The following POLQ variants were observed in gnomAD, a reference collection of about 807,000 sequenced individuals.
POLQ encodes epididymis secretory sperm binding protein.
In POLQ, 233 loss-of-function variants were observed where a neutral mutation model predicts 259.2. The observed-to-expected ratio is 0.90, with a 90% CI of 0.81 to 1.00. The LOEUF (loss-of-function observed/expected upper bound fraction) is 1.00, where lower values mean the gene tolerates loss of function less well. POLQ is among the 50% of genes least tolerant of loss of function. POLQ has a pLI of 0.00. For missense variants in POLQ, 2,871 were observed against 3,051.6 expected (o/e 0.94, Z 1.39); for synonymous variants, 1,025 against 1,048.8 (o/e 0.98, Z 0.44).
intron 6 of POLQ, 81 bp from the exon 7 acceptor site, chr3:121,529,873 T>C: frequency 9.4e-7 from 1 of 1,061,964 alleles, no homozygotes; most frequent in Non-Finnish European, 1.3e-6. Context: ...CATTTTCCTT[T>C]CTGGGGAAGC....
chr3:121,432,877 C>T, intron 29 of POLQ, 41 bp downstream of exon 29: 1 of 1,144,910 alleles, frequency 8.7e-7, no homozygotes, highest in African/African-American at 1.5e-5. Context: ...AATACAGTGT[C>T]TTGTCTTCCT....
intron 25 of POLQ, among the ~76,000 whole-genome samples, chr3:121,456,828 A>G (rs1408156906): frequency 6.6e-6 from 1 of 152,248 alleles, no homozygotes; most frequent in Non-Finnish European, 1.5e-5. Context: ...TTGTAGATTC[A>G]ATGCCATCCC....
intron 26 of POLQ, among the ~76,000 whole-genome samples, chr3:121,441,542 T>C (rs2047592634): frequency 1.3e-5 from 2 of 152,228 alleles, no homozygotes; most frequent in South Asian, 4.1e-4. Context: ...TTAAGAATCA[T>C]CAATATTGTA....
At chr3:121,494,378 A>G (rs1162277946) in intron 14 of POLQ, 1 of 1,584,290 alleles carries the variant, frequency 6.3e-7, no homozygotes. Context: ...GGACCGCCAA[A>G]CAGCTACTCA....
chr3:121,472,016 G>A lies in POLQ; in HGVS notation c.6692C>T (p.Pro2231Leu), dbSNP rs1480849833. 2 of 1,570,864 alleles carry A rather than the reference G, an allele frequency of 1.3e-6. No individual in the cohort carries two copies. Among genetic ancestry groups the A allele is most frequent in the South Asian group, 2.3e-5 (2 of 85,194 alleles). ...NPFLGMERIYPVSQSHTATGR... is the reference protein window; with the variant it reads ...NPFLGMERIYLVSQSHTATGR... ...TGTAGCAGTGTGCGACTGTGATACA[G>A]GATAGATTCTTTCCATTCCAAGAAA... Residue 2231 changes from proline to leucine, a missense_variant, in exon 22 of 30, where the codon CCT becomes CTT. Pro to Leu is a moderately conservative substitution (Grantham distance 98, BLOSUM62 -3). Transcript: ENST00000264233.
chr3:121,450,236 A>T (rs2047663371), intron 25 of POLQ, among the ~76,000 whole-genome samples: 1 of 152,194 alleles, frequency 6.6e-6, no homozygotes, highest in South Asian at 2.1e-4. Flanking sequence ...CTGTATAAAT[A>T]TCATTAAATA....
chr3:121,449,295 C>T lies in POLQ; in HGVS notation c.7264+20G>A, dbSNP rs369416712. 29 of 1,149,834 alleles carry T rather than the reference C, an allele frequency of 2.5e-5. No individual in the cohort carries two copies. The highest frequency in any genetic ancestry group is 3.4e-5 in the Non-Finnish European group (26 of 764,432). The allele number at this position is 1,149,834 out of a possible 1,614,324, so 71.2% of individuals were successfully genotyped here. On this transcript the variant is annotated intron_variant, in intron 26 of 29. Transcript: ENST00000264233. ...TATGGTAAGATGGTTGAAAAGAATA[C>T]TATCTAGAAGATAAATTACCTGTGT...
At chr3:121,438,725 A>AT (rs1334547987) in intron 27 of POLQ, among the ~76,000 whole-genome samples, 1 of 152,158 alleles carries the variant, frequency 6.6e-6, no homozygotes, top group Non-Finnish European at 1.5e-5. Context: ...GTTTTCATAT[A>AT]TATTTTTTTG....
At chr3:121,540,258 C>G (rs1457460840) in intron 3 of POLQ, among the ~76,000 whole-genome samples, 1 of 151,944 alleles carries the variant, frequency 6.6e-6, no homozygotes, top group African/African-American at 2.4e-5. Flanking sequence ...TAAAATTTTC[C>G]TGAGTGTTTA....
chr3:121,454,202 T>A (rs988558446), intron 25 of POLQ, among the ~76,000 whole-genome samples: 4 of 152,112 alleles, frequency 2.6e-5, no homozygotes, highest in African/African-American at 9.7e-5. Flanking sequence ...TGTCACCACC[T>A]GGCCAGCCCT....
chr3:121,490,373 A>G lies in POLQ; in HGVS notation c.2558T>C (p.Val853Ala), dbSNP rs766873197. The change falls in exon 16 of 30, where the codon GTT (valine) becomes GCT (alanine). Residue 853 changes from valine (V) to alanine (A), a missense_variant. Coordinates refer to ENST00000264233, the MANE Select transcript of POLQ (RefSeq NM_199420.4). ...AGTTCGCATATTGCGACGTTCTTCA[A>G]CTGCTTCCTCTTCCTCATCCACTGC... ...RKAVDEEEEA[V>A]EERRNMRTIW... The G allele has an allele frequency of 1.2e-5, 20 of 1,614,118 alleles. No individual in the cohort carries two copies. Among genetic ancestry groups the G allele is most frequent in the East Asian group, 2.2e-5 (1 of 44,900 alleles).
intron 14 of POLQ, among the ~76,000 whole-genome samples, chr3:121,495,700 T>G (rs918241832): frequency 2.7e-5 from 4 of 150,344 alleles, no homozygotes; most frequent in African/African-American, 9.8e-5. Flanking sequence ...AAAAAAAAAA[T>G]TAGCCGGGCG....
At chr3:121,484,987 C>T in intron 17 of POLQ, 54 bp downstream of exon 17, 1 of 1,284,532 alleles carries the variant, frequency 7.8e-7, no homozygotes, top group Non-Finnish European at 1.1e-6. Context: ...GATCACTACC[C>T]TAATGGATGT....
At position 121,490,249 on chromosome 3, in the gene POLQ, C is replaced by T. The variant is rs1273708295; in HGVS notation, c.2682G>A (p.Met894Ile). ...RMILQQDLVE[M>I]GVQWNPCALL... Reference sequence around the variant, plus strand: ...GGGCACATGGATTCCATTGCACTCCCATTTCAACTAAGTCCTGCTGCAGAA... The same window carrying T: ...GGGCACATGGATTCCATTGCACTCCTATTTCAACTAAGTCCTGCTGCAGAA... Residue 894 changes from methionine (M) to isoleucine (I), a missense_variant, in exon 16 of 30, where the codon ATG (methionine) becomes ATA (isoleucine). Met to Ile is a conservative substitution (Grantham distance 10). Around this residue, in one of 3 missense-constraint regions of POLQ, gnomAD observed 2,080 missense variants for 2,126.0 expected, o/e 0.98. Coordinates refer to ENST00000264233, the MANE Select transcript of POLQ (RefSeq NM_199420.4). 2 of 1,614,202 alleles carry T rather than the reference C, an allele frequency of 1.2e-6. No individual in the cohort carries two copies. The highest frequency in any genetic ancestry group is 8.5e-7 in the Non-Finnish European group (1 of 1,180,022).
chr3:121,482,703 A>G (rs561517544), intron 18 of POLQ, among the ~76,000 whole-genome samples: 3 of 152,194 alleles, frequency 2.0e-5, no homozygotes, highest in East Asian at 3.9e-4. Context: ...TTCTAATACT[A>G]GATCAGGCAG....
chr3:121,483,451 G>A lies in POLQ; in HGVS notation c.5905C>T (p.Gln1969Ter). ...ECSVVIYDFI[Q>*]SYKILLLSCG... ...GAAAGAAGAAGAATTTTATAGCTCT[G>A]GATGAAGTCATAGATGACAACAGAA... The change falls in exon 18 of 30, where the codon CAG (glutamine) becomes TAG (stop). Residue 1969 changes from glutamine (Q) to a stop codon, truncating the protein, a stop_gained. Transcript: ENST00000264233. LOFTEE classifies it high-confidence loss of function. The A allele has an allele frequency of 6.2e-7, 1 of 1,603,390 alleles. No individual in the cohort carries two copies. Among genetic ancestry groups the A allele is most frequent in the Non-Finnish European group, 8.5e-7 (1 of 1,176,536 alleles).
intron 19 of POLQ, among the ~76,000 whole-genome samples, chr3:121,480,888 C>A (rs1269652965): frequency 1.3e-5 from 2 of 152,126 alleles, no homozygotes; most frequent in Non-Finnish European, 2.9e-5. Context: ...CATCTATTTT[C>A]TAGTACCTAT....
In POLQ at chr3:121,541,428, C is replaced by A. The variant is rs751386063; in HGVS notation, c.395G>T (p.Arg132Leu). Reference protein sequence around the residue: ...TLVAELLILKRVLEMRKKALF... With the variant: ...TLVAELLILKLVLEMRKKALF... ...AGCTTTCTTCCGCATTTCCAAAACC[C>A]GCTTCAAAATAAGTAATTCTGCCAC... The change falls in exon 3 of 30, where the codon CGG becomes CTG. Residue 132 changes from arginine (R) to leucine (L), a missense_variant. Arg to Leu is a moderately radical substitution (Grantham distance 102). Around this residue, in one of 3 missense-constraint regions of POLQ, gnomAD observed 783 missense variants for 906.2 expected, o/e 0.86. Coordinates refer to ENST00000264233, the MANE Select transcript of POLQ (RefSeq NM_199420.4). The A allele has an allele frequency of 1.2e-6, 2 of 1,611,596 alleles. No homozygotes were observed. Among genetic ancestry groups the A allele is most frequent in the Admixed American group, 3.4e-5 (2 of 59,670 alleles).
At position 121,467,632 on chromosome 3, in the gene POLQ, T is replaced by C. The variant is rs2047849542; in HGVS notation, c.6854A>G (p.Tyr2285Cys). 1 of 1,613,744 alleles carries C rather than the reference T, an allele frequency of 6.2e-7. No homozygotes were observed. The highest frequency in any genetic ancestry group is 8.5e-7 in the Non-Finnish European group (1 of 1,179,806). ...KGLLPMGRGK[Y>C]KKGFSVNPRC... ...AGGATTCACGCTGAAACCCTTCTTA[T>C]ATTTTCCTCTGTGGTGCAAACAACA... Residue 2285 changes from tyrosine (Y) to cysteine (C), a missense_variant, in exon 24 of 30, where the codon TAT (tyrosine) becomes TGT (cysteine). Around this residue, in one of 3 missense-constraint regions of POLQ, gnomAD observed 2,080 missense variants for 2,126.0 expected, o/e 0.98. Transcript: ENST00000264233.
Sources: allele counts gnomAD v4.1 joint callset (sites outside exome capture counted in the v4.1 genomes callset), GRCh38; gene constraint gnomAD v4.1.1; regional missense constraint gnomAD v4.1.1; transcripts MANE v1.5; gene names NCBI Gene and HGNC (gene_info 2026-07-23, HGNC 2026-07-21).